PLAUR: variants seen among roughly 807,000 people sequenced by gnomAD.
PLAUR encodes the protein urokinase plasminogen activator surface receptor.
PLAUR carries 22 observed loss-of-function variants against 33.4 expected under a neutral mutation model. The observed-to-expected ratio is 0.66, with a 90% CI of 0.47 to 0.94. The LOEUF (loss-of-function observed/expected upper bound fraction) is 0.94. Ranked by LOEUF, PLAUR falls within the 40% of genes least tolerant of loss-of-function variation. The probability of loss-of-function intolerance (pLI) is 0.00; values close to 1 mark genes in which losing one functional copy is unlikely to be tolerated. For missense variants in PLAUR, 408 were observed against 434.7 expected, an observed-to-expected ratio of 0.94 and a Z score of 0.55; for synonymous variants, 148 against 167.3, an observed-to-expected ratio of 0.88 and a Z score of 0.89.
chr19:43,670,008 C>T (rs1488361991), intron 1 of PLAUR, 58 bp downstream of exon 1: 10 of 1,543,090 alleles, frequency 6.5e-6, no homozygotes, highest in Non-Finnish European at 8.9e-6. Flanking sequence ...TCTGACAACC[C>T]CCAACCCCCT....
Position 43,667,613 on chromosome 19 carries a change from A to G in PLAUR, c.134T>C (p.Leu45Pro). 1 of 1,613,998 alleles carries G rather than the reference A, an allele frequency of 6.2e-7. No homozygotes were observed. The highest frequency in any genetic ancestry group is 1.1e-5 in the South Asian group (1 of 91,084). ...CAAGCGCACGATCGTGGTCCTGCAG[A>G]GGTCCTGTCCCAGGGCGCACTCTTC... is the stretch of plus-strand genomic sequence containing the variant. ...RVEECALGQD[L>P]CRTTIVRLWE... Residue 45 changes from leucine to proline, a missense_variant, in exon 2 of 7, where the codon CTC (leucine) becomes CCC (proline). Transcript: ENST00000340093.
At chr19:43,661,490 G>A (rs929974125) in intron 3 of PLAUR, 2 of 150,930 alleles carry the variant, frequency 1.3e-5, no homozygotes, top group African/African-American at 4.9e-5. Flanking sequence ...TCTACCTCCC[G>A]GGTTCAAGCA....
intron 3 of PLAUR, among the ~76,000 whole-genome samples, chr19:43,660,220 C>T (rs906695390): frequency 4.0e-5 from 6 of 151,830 alleles, no homozygotes; most frequent in Non-Finnish European, 8.8e-5. Context: ...GGCTGGAGTG[C>T]AATGGTGTGA....
downstream of PLAUR, among the ~76,000 whole-genome samples, chr19:43,647,671 T>C (rs577968297): frequency 6.6e-6 from 1 of 152,120 alleles, no homozygotes. Flanking sequence ...CCGGGTGTGG[T>C]GGTGCATGCC....
chr19:43,665,339 TCTAA>T lies in PLAUR; in HGVS notation c.283_286del (p.Leu95ThrfsTer30). Reference sequence around the variant, plus strand: ...ACCAGAGTTGCCCTGGTTGCACAAGTCTAACCCACACACAACCTCGGTAAGGCTG... The same window carrying T: ...ACCAGAGTTGCCCTGGTTGCACAAGTCCCACACACAACCTCGGTAAGGCTG... On this transcript the variant is annotated frameshift_variant, in exon 3 of 7. Coordinates refer to ENST00000340093, the MANE Select transcript of PLAUR (RefSeq NM_002659.4). The T allele has an allele frequency of 6.2e-7, 1 of 1,613,878 alleles. No homozygotes were observed. The highest frequency in any genetic ancestry group is 8.5e-7 in the Non-Finnish European group (1 of 1,179,970).
intron 2 of PLAUR, 79 bp downstream of exon 2, chr19:43,667,502 G>T: frequency 1.0e-6 from 1 of 959,158 alleles, no homozygotes; most frequent in South Asian, 1.3e-5. Flanking sequence ...GCATGTCCCA[G>T]TTACTGGTGA....
intron 3 of PLAUR, among the ~76,000 whole-genome samples, chr19:43,657,671 G>C (rs1257633251): frequency 6.6e-6 from 1 of 152,180 alleles, no homozygotes; most frequent in Non-Finnish European, 1.5e-5. Context: ...CTGGTGACAG[G>C]TATGTCTCCT....
In PLAUR at chr19:43,670,161, TTC is replaced by T. The variant is rs1568568965; in HGVS notation, c.-43_-42del. On this transcript the variant is annotated 5_prime_UTR_variant, in exon 1 of 7. Coordinates refer to ENST00000340093, the MANE Select transcript of PLAUR (RefSeq NM_002659.4). ...CCTGTGCGCGGGGTCCCTGCACGTCTTCTCTCCTTCTGGCCTCAGGAAGGAGG... is the reference window on the plus strand; with the variant it reads ...CCTGTGCGCGGGGTCCCTGCACGTCTTCTCCTTCTGGCCTCAGGAAGGAGG... 1 of 1,596,740 alleles carries T rather than the reference TTC, an allele frequency of 6.3e-7. No individual in the cohort carries two copies. The highest frequency in any genetic ancestry group is 8.5e-7 in the Non-Finnish European group (1 of 1,171,924).
At chr19:43,656,776 G>C (rs1974232717) in intron 3 of PLAUR, 136 bp from the exon 4 acceptor site, 1 of 687,978 alleles carries the variant, frequency 1.5e-6, no homozygotes, top group African/African-American at 1.8e-5. Flanking sequence ...TATTCTGCCT[G>C]CTGAATCTTT....
intron 5 of PLAUR, among the ~76,000 whole-genome samples, chr19:43,653,635 G>A (rs1974085798): frequency 6.6e-6 from 1 of 151,492 alleles, no homozygotes; most frequent in African/African-American, 2.4e-5. Context: ...CTCCAGCCTG[G>A]CTGACAGAGC....
rs531657558 is a variant in PLAUR, at chr19:43,665,598, T to C, written c.167-139A>G. On this transcript the variant is annotated intron_variant, in intron 2 of 6. Transcript: ENST00000340093. Reference sequence around the variant, plus strand: ...TGTTATTTGAGTCGAACTCTGTCTTTTTCTAGAGTTAACCTTGCCTCCACC... The same window carrying C: ...TGTTATTTGAGTCGAACTCTGTCTTCTTCTAGAGTTAACCTTGCCTCCACC... 2.3e-3 allele frequency: 1,631 copies of C among 708,872 alleles called. 11 individuals are homozygous for C. Among genetic ancestry groups the C allele is most frequent in the Non-Finnish European group, 2.0e-3 (918 of 447,996 alleles). The allele number at this position is 708,872 out of a possible 1,614,324, so 43.9% of individuals were successfully genotyped here. A position where few individuals can be genotyped will look rare whatever the true frequency, so the allele number is the denominator to read the frequency against.
chr19:43,662,966 C>T (rs1339134511), intron 3 of PLAUR, among the ~76,000 whole-genome samples: 1 of 152,186 alleles, frequency 6.6e-6, no homozygotes, highest in East Asian at 1.9e-4. Context: ...GTTGGGATTA[C>T]AGGCGTGAGC....
intron 3 of PLAUR, chr19:43,661,270 T>G (rs1188877097): frequency 1.3e-5 from 2 of 152,248 alleles, no homozygotes; most frequent in Non-Finnish European, 2.9e-5. Flanking sequence ...CTGGGCTCTA[T>G]TTCCCTTCCA....
intron 3 of PLAUR, among the ~76,000 whole-genome samples, chr19:43,657,870 G>T (rs781705744): frequency 4.6e-5 from 7 of 152,074 alleles, no homozygotes; most frequent in Non-Finnish European, 1.0e-4. Flanking sequence ...CTCCAAAATG[G>T]CCCCCAATAA....
At chr19:43,665,941 G>C (rs1967223048) in intron 2 of PLAUR, among the ~76,000 whole-genome samples, 1 of 151,796 alleles carries the variant, frequency 6.6e-6, no homozygotes, top group African/African-American at 2.4e-5. Flanking sequence ...TGGAATTACA[G>C]GTGTGAGCCA....
At chr19:43,652,717 T>G (rs781290638) in intron 5 of PLAUR, among the ~76,000 whole-genome samples, 1 of 152,052 alleles carries the variant, frequency 6.6e-6, no homozygotes, top group Non-Finnish European at 1.5e-5. Flanking sequence ...GTGGCGCAAT[T>G]GTAGCTCACT....
rs4251912 is a variant in PLAUR at position 43,652,235 on chromosome 19, G to A, written c.744C>T (p.Thr248=). ...CGGAGAGGGCCTCACCGTGAGTGCC[G>A]GTGGCTACCAGACATTGATTCATGG... ...RGPMNQCLVA[T]GTHEPKNQSY... The change falls in exon 6 of 7, where the codon ACC becomes ACT. Residue 248 remains threonine (T), a synonymous_variant. Transcript: ENST00000340093. The A allele has an allele frequency of 5.1e-4, 819 of 1,614,008 alleles. 1 individual carries two copies. In the African/African-American group the frequency reaches 9.9e-3, roughly 19 times the overall value.
At chr19:43,646,714 G>A (rs554292464), downstream of PLAUR, among the ~76,000 whole-genome samples, 1 of 151,916 alleles carries the variant, frequency 6.6e-6, no homozygotes, top group South Asian at 2.1e-4. Flanking sequence ...AGTGACAGGT[G>A]GTGATATGTC....
intron 1 of PLAUR, chr19:43,668,159 T>A: frequency 1.0e-6 from 1 of 990,866 alleles, no homozygotes; most frequent in Non-Finnish European, 1.2e-6. Context: ...AATGGAACTA[T>A]CCCTCCACTC....
Sources: gnomAD v4.1 joint callset for allele counts (sites outside exome capture counted in the v4.1 genomes callset) on GRCh38, gnomAD v4.1.1 for gene constraint, MANE v1.5 for transcripts, NCBI Gene and HGNC (gene_info 2026-07-23, HGNC 2026-07-21) for gene names.